CHM: variants seen among roughly 807,000 people sequenced by gnomAD.
CHM encodes the protein rab proteins geranylgeranyltransferase component A 1.
Under a neutral mutation model 49.0 loss-of-function variants are expected in CHM, and 10 were observed. The observed-to-expected ratio is 0.20, with a 90% confidence interval of 0.13 to 0.35. The LOEUF is 0.35. CHM is among the 10% of genes least tolerant of loss of function. The pLI is 1.00. For synonymous variants in CHM, 184 were observed against 167.5 expected (o/e 1.10, Z -0.76); for missense variants, 455 against 478.4 (o/e 0.95, Z 0.46).
chrX:85,949,705 G>T (rs5968736), intron 8 of CHM, among the ~76,000 whole-genome samples: 30,365 of 108,228 alleles, frequency 0.28, 3,412 homozygotes, highest in African/African-American at 0.41. Flanking sequence ...GGAAATAAGT[G>T]ACTTCCAAAT....
rs2142603 is a variant in CHM, at chrX:85,971,665, T to A, written c.314+7102A>T. 1,051 of 206,777 alleles carry A rather than the reference T, an allele frequency of 5.1e-3. 12 individuals carry two copies. Among genetic ancestry groups the A allele is most frequent in the African/African-American group, 0.028 (918 of 32,413 alleles). 17.0% of individuals were successfully genotyped at this position (206,777 alleles called of 1,213,427 possible). ...CCACAGTGTGGAAGGGGACCGGAGCTGGTTGCCACTGCTGGCTGGGCAGCC... is the reference window on the plus strand; with the variant it reads ...CCACAGTGTGGAAGGGGACCGGAGCAGGTTGCCACTGCTGGCTGGGCAGCC... On this transcript the variant is annotated intron_variant, in intron 4 of 14. Transcript: ENST00000357749.
In CHM at chrX:85,946,777, A is replaced by G. The variant is rs188572141; in HGVS notation, c.1166+9376T>C. Among the ~76,000 whole-genome samples, 961 of 111,592 alleles carry G rather than the reference A, an allele frequency of 8.6e-3. 15 individuals carry two copies. Among genetic ancestry groups the G allele is most frequent in the African/African-American group, 0.03 (911 of 30,724 alleles). On this transcript the variant is annotated intron_variant, in intron 8 of 14. Coordinates refer to ENST00000357749, the MANE Select transcript of CHM (RefSeq NM_000390.4). ...ATGGAGCTGTGGGAAGGGAGCCACA[A>G]TACTCCAGGCCCCAGAATGGTAGAG...
At chrX:85,882,172 A>G (rs1269710098) in intron 12 of CHM, among the ~76,000 whole-genome samples, 1 of 112,211 alleles carries the variant, frequency 8.9e-6, no homozygotes, top group Non-Finnish European at 1.9e-5. Flanking sequence ...ATGAGCAAAA[A>G]GTCTGAAGAC....
chrX:86,016,555 G>A (rs1428531226), intron 2 of CHM, among the ~76,000 whole-genome samples: 1 of 112,802 alleles, frequency 8.9e-6, no homozygotes, highest in Non-Finnish European at 1.9e-5. Flanking sequence ...CAAAGCCTTG[G>A]CAGCTTCCAC....
At chrX:85,877,840 A>C (rs1232796391) in intron 13 of CHM, among the ~76,000 whole-genome samples, 1 of 111,777 alleles carries the variant, frequency 8.9e-6, no homozygotes, top group African/African-American at 3.3e-5. Flanking sequence ...CCCACATAGG[A>C]AATGAGCTGC....
At chrX:86,013,756 A>G (rs906167292) in intron 2 of CHM, among the ~76,000 whole-genome samples, 8 of 111,520 alleles carry the variant, frequency 7.2e-5, no homozygotes, top group African/African-American at 1.3e-4. Flanking sequence ...GAAAAGAAAA[A>G]CAATGTAATA....
At position 85,894,244 on chromosome X, in the gene CHM, A is replaced by G; in HGVS notation, c.1454T>C (p.Phe485Ser). 8.3e-7 allele frequency: 1 copy of G among 1,211,024 alleles called. No individual in the cohort carries two copies. The highest frequency in any genetic ancestry group is 1.1e-6 in the Non-Finnish European group (1 of 894,933). Residue 485 changes from phenylalanine (F) to serine (S), a missense_variant, in exon 12 of 15, where the codon TTT becomes TCT. By Grantham distance (155) the Phe-to-Ser change is radical. Coordinates refer to ENST00000357749, the MANE Select transcript of CHM (RefSeq NM_000390.4). Reference sequence around the variant, plus strand: ...ACATAACTCAATGACCCGAACAGCAAAAGTTCCTGGTTCCTCTGCTGGCAC... The same window carrying G: ...ACATAACTCAATGACCCGAACAGCAGAAGTTCCTGGTTCCTCTGCTGGCAC... Reference protein sequence around the residue: ...LTVPAEEPGTFAVRVIELCSS... With the variant: ...LTVPAEEPGTSAVRVIELCSS...
At chrX:85,969,905 A>C (rs1272380249) in intron 4 of CHM, 2 of 112,001 alleles carry the variant, frequency 1.8e-5, no homozygotes, top group African/African-American at 6.5e-5. Flanking sequence ...GAAATCTAAA[A>C]AACTTGATAG....
At position 85,960,975 on chromosome X, in the gene CHM, C is replaced by T. The variant is rs938703281; in HGVS notation, c.703-1998G>A. ...TACGTATTTTATTTAACTAACCTAC[C>T]TTGAGCTATTACTTTTTAAAAGGCT... On this transcript the variant is annotated intron_variant, in intron 5 of 14. Transcript: ENST00000357749. Among the ~76,000 whole-genome samples the T allele has an allele frequency of 2.2e-4, 25 of 111,212 alleles. No homozygotes were observed. The East Asian group carries it at 6.5e-3, about 29-fold the overall frequency.
intron 14 of CHM, among the ~76,000 whole-genome samples, chrX:85,866,368 G>T (rs1383831136): frequency 8.9e-6 from 1 of 112,560 alleles, no homozygotes; most frequent in East Asian, 2.8e-4. Context: ...AAAGACAAGA[G>T]GTGAGGTTTG....
intron 2 of CHM, among the ~76,000 whole-genome samples, chrX:86,021,335 T>G (rs2147783154): frequency 9.3e-6 from 1 of 107,412 alleles, no homozygotes; most frequent in African/African-American, 3.4e-5. Context: ...TTACATAGAT[T>G]AGTTGATTTA....
At chrX:86,031,419 G>A (rs771321929) in intron 1 of CHM, among the ~76,000 whole-genome samples, 4 of 111,856 alleles carry the variant, frequency 3.6e-5, no homozygotes, top group Non-Finnish European at 5.6e-5. Context: ...TGAGGAATAG[G>A]GAGTCTTGAA....
intron 5 of CHM, among the ~76,000 whole-genome samples, chrX:85,961,721 T>C (rs1016042724): frequency 7.2e-5 from 8 of 111,510 alleles, no homozygotes; most frequent in Admixed American, 1.9e-4. Flanking sequence ...ATTAGTTATT[T>C]TGTAGAACGT....
At chrX:85,992,275 G>A (rs1046527651) in intron 2 of CHM, among the ~76,000 whole-genome samples, 3 of 111,146 alleles carry the variant, frequency 2.7e-5, no homozygotes, top group African/African-American at 9.8e-5. Flanking sequence ...CAGAGCTGGG[G>A]AAACTATTCA....
chrX:85,961,282 T>C (rs1406479619), intron 5 of CHM, among the ~76,000 whole-genome samples: 3 of 108,894 alleles, frequency 2.8e-5, no homozygotes, highest in East Asian at 2.9e-4. Flanking sequence ...TAGCCAGGCA[T>C]AGTGGCACGC....
intron 4 of CHM, among the ~76,000 whole-genome samples, chrX:85,965,388 T>C (rs1222013629): frequency 1.8e-5 from 2 of 112,071 alleles, no homozygotes; most frequent in Non-Finnish European, 3.8e-5. Context: ...TCCATTCCTT[T>C]TTAATAGTCC....
chrX:86,007,074 G>A (rs1932875207), intron 2 of CHM, among the ~76,000 whole-genome samples: 1 of 111,173 alleles, frequency 9.0e-6, no homozygotes, highest in Non-Finnish European at 1.9e-5. Flanking sequence ...ATAAACCAAT[G>A]GAACAGAACA....
At chrX:86,035,787 ATTTTTTT>A (rs1172786407) in intron 1 of CHM, among the ~76,000 whole-genome samples, 17 of 76,778 alleles carry the variant, frequency 2.2e-4, no homozygotes, top group African/African-American at 6.5e-4. Flanking sequence ...AAAAGAGTTC[ATTTTTTT>A]TTTTTTTTTT....
intron 4 of CHM, chrX:85,971,094 T>C: frequency 3.2e-6 from 2 of 633,002 alleles, no homozygotes; most frequent in Non-Finnish European, 3.8e-6. Context: ...ACATAATATA[T>C]AAATACACCC....
Sources: gnomAD v4.1 joint callset for allele counts (sites outside exome capture counted in the v4.1 genomes callset) on GRCh38, gnomAD v4.1.1 for gene constraint, MANE v1.5 for transcripts, NCBI Gene and HGNC (gene_info 2026-07-23, HGNC 2026-07-21) for gene names.